TMEM232: variants seen among roughly 807,000 people sequenced by gnomAD.
TMEM232 encodes transmembrane protein 232.
TMEM232 carries 80 observed loss-of-function variants against 78.8 expected under a neutral mutation model. That is an observed-to-expected ratio of 1.01 (90% CI 0.85 to 1.22). TMEM232 has a LOEUF of 1.22. Ranked by LOEUF, TMEM232 falls within the 50% of genes most tolerant of loss-of-function variation. The pLI is 0.00. For synonymous variants in TMEM232, 297 were observed against 254.3 expected (o/e 1.17, Z -1.60); for missense variants, 881 against 742.2 (o/e 1.19, Z -2.17).
intron 12 of TMEM232, among the ~76,000 whole-genome samples, chr5:110,487,617 A>C (rs1252287654): frequency 6.6e-6 from 1 of 151,952 alleles, no homozygotes; most frequent in Non-Finnish European, 1.5e-5. Flanking sequence ...CACATTTACT[A>C]ACTTGCATGT....
intron 13 of TMEM232, among the ~76,000 whole-genome samples, chr5:110,422,413 G>A (rs1414032947): frequency 1.3e-5 from 2 of 150,774 alleles, no homozygotes; most frequent in East Asian, 2.0e-4. Flanking sequence ...CCAGCTACTC[G>A]GGAGGCTGAG....
chr5:110,728,872 C>A (rs529751297), upstream of TMEM232, among the ~76,000 whole-genome samples: 35 of 137,322 alleles, frequency 2.5e-4, no homozygotes, highest in African/African-American at 9.1e-4. Context: ...TTTTACCAGT[C>A]TTTTTTATTT....
intron 11 of TMEM232, among the ~76,000 whole-genome samples, chr5:110,557,224 T>C (rs1775202957): frequency 6.6e-6 from 1 of 152,184 alleles, no homozygotes; most frequent in African/African-American, 2.4e-5. Context: ...CTCTATCAGA[T>C]CAGTTTTGTT....
chr5:110,662,087 A>G (rs1789880198), intron 2 of TMEM232, among the ~76,000 whole-genome samples: 1 of 152,216 alleles, frequency 6.6e-6, no homozygotes. Context: ...CTTTTAAGTC[A>G]ATATTGAGAC....
intron 12 of TMEM232, among the ~76,000 whole-genome samples, chr5:110,473,396 G>C (rs1321157415): frequency 1.3e-5 from 2 of 151,720 alleles, no homozygotes; most frequent in Non-Finnish European, 3.0e-5. Context: ...CCGCCCTCCA[G>C]ATAAAATGCA....
chr5:110,721,753 C>T (rs1319880794), intron 1 of TMEM232, among the ~76,000 whole-genome samples: 1 of 142,592 alleles, frequency 7.0e-6, no homozygotes, highest in Non-Finnish European at 1.5e-5. Context: ...AGAGCAGCTC[C>T]ATTTTTACCT....
chr5:110,606,570 A>G (rs1453581926), intron 8 of TMEM232, among the ~76,000 whole-genome samples: 1 of 151,998 alleles, frequency 6.6e-6, no homozygotes, highest in Non-Finnish European at 1.5e-5. Flanking sequence ...ACAACAAGCA[A>G]TCAGGGGCTC....
chr5:110,520,050 T>TATAGAGAGAGAG (rs374219408), intron 12 of TMEM232, among the ~76,000 whole-genome samples: 76 of 147,258 alleles, frequency 5.2e-4, no homozygotes, highest in African/African-American at 1.8e-3. Flanking sequence ...TATATATATA[T>TATAGAGAGAGAG]AGAGAGAGAG....
chr5:110,648,892 C>T (rs1277573690), intron 2 of TMEM232, among the ~76,000 whole-genome samples: 1 of 152,034 alleles, frequency 6.6e-6, no homozygotes, highest in African/African-American at 2.4e-5. Flanking sequence ...CTTACATGCA[C>T]AGTCATTTGG....
intron 10 of TMEM232, among the ~76,000 whole-genome samples, chr5:110,579,584 T>C (rs1398823864): frequency 1.3e-5 from 2 of 151,806 alleles, no homozygotes; most frequent in East Asian, 3.9e-4. Flanking sequence ...TGTAGAGTTT[T>C]GTATAAGATT....
rs192150333 is a variant in TMEM232 at position 110,459,250 on chromosome 5, A to C, written c.1704-34334T>G. Among the ~76,000 whole-genome samples, 716 of 152,254 alleles carry C rather than the reference A, an allele frequency of 4.7e-3. 6 individuals are homozygous for C. The highest frequency in any genetic ancestry group is 0.017 in the African/African-American group (691 of 41,564). On this transcript the variant is annotated intron_variant, in intron 12 of 13. Transcript: ENST00000455884. ...TTGTCTCCTGATGGTAGGCAAGGTAAAACTATCTTTAGACTATGTGGACAA... is the reference window on the plus strand; with the variant it reads ...TTGTCTCCTGATGGTAGGCAAGGTACAACTATCTTTAGACTATGTGGACAA...
At chr5:110,690,048 G>C (rs1170435106) in intron 1 of TMEM232, among the ~76,000 whole-genome samples, 1 of 152,104 alleles carries the variant, frequency 6.6e-6, no homozygotes, top group East Asian at 1.9e-4. Context: ...AGAAAACCTA[G>C]GCAATACCAT....
At chr5:110,627,680 A>G (rs1265578864) in intron 6 of TMEM232, 101 bp downstream of exon 6, 3 of 859,406 alleles carry the variant, frequency 3.5e-6, no homozygotes, top group Non-Finnish European at 3.4e-6. Flanking sequence ...ATTATCTTTT[A>G]TGAAAAATAA....
At chr5:110,616,309 A>G (rs1211218264) in intron 8 of TMEM232, among the ~76,000 whole-genome samples, 1 of 152,066 alleles carries the variant, frequency 6.6e-6, no homozygotes, top group Non-Finnish European at 1.5e-5. Context: ...AAGAATACAC[A>G]ATAGAGAAAG....
Position 110,735,370 on chromosome 5 carries a change from T to C in TMEM232, c.-125-355A>G, listed in dbSNP as rs1176443660. On this transcript the variant is annotated intron_variant, in intron 1 of 4. Coordinates refer to the TMEM232 transcript ENST00000512886. Reference sequence around the variant, plus strand: ...AATATGTATTAAGCCCGTTGGGGGGTGGTTATACTATTTCTATCATATTAT... The same window carrying C: ...AATATGTATTAAGCCCGTTGGGGGGCGGTTATACTATTTCTATCATATTAT... Among the ~76,000 whole-genome samples the C allele has an allele frequency of 2.0e-5, 3 of 151,932 alleles. No homozygotes were observed. In the East Asian group the frequency reaches 5.8e-4, roughly 29 times the overall value.
At chr5:110,634,906 A>G (rs1196821025) in intron 5 of TMEM232, among the ~76,000 whole-genome samples, 3 of 152,018 alleles carry the variant, frequency 2.0e-5, no homozygotes, top group Non-Finnish European at 4.4e-5. Context: ...ACAAAATGAA[A>G]AAGTTTTTTT....
In TMEM232 at chr5:110,424,994, C is replaced by T. The variant is rs191525897; in HGVS notation, c.1704-78G>A. On this transcript the variant is annotated intron_variant, in intron 12 of 13. Coordinates refer to ENST00000455884, the MANE Select transcript of TMEM232 (RefSeq NM_001039763.4). ...CCCAGAAATAGAATTGTAACTAAGC[C>T]ATAATTTATTATTAAGCATTTTGAT... The T allele has an allele frequency of 2.6e-3, 2,544 of 993,908 alleles. 7 individuals carry two copies. Among genetic ancestry groups the T allele is most frequent in the Middle Eastern group, 0.011 (50 of 4,734 alleles). 61.6% of individuals were successfully genotyped at this position (993,908 alleles called of 1,614,324 possible). A position where few individuals can be genotyped will look rare whatever the true frequency, so the allele number is the denominator to read the frequency against.
chr5:110,583,545 G>A (rs1338242297), intron 10 of TMEM232, among the ~76,000 whole-genome samples: 1 of 151,768 alleles, frequency 6.6e-6, no homozygotes, highest in Non-Finnish European at 1.5e-5. Flanking sequence ...AAGAAAATAT[G>A]GGGAAAATAC....
chr5:110,389,454 C>A (rs1755103014), intron 4 of TMEM232, among the ~76,000 whole-genome samples: 1 of 152,182 alleles, frequency 6.6e-6, no homozygotes, highest in Admixed American at 6.5e-5. Context: ...AAAGAACTCA[C>A]ACATTCATGG....
Sources: gnomAD v4.1 joint callset for allele counts (sites outside exome capture counted in the v4.1 genomes callset) on GRCh38, gnomAD v4.1.1 for gene constraint, MANE v1.5 for transcripts, NCBI Gene and HGNC (gene_info 2026-07-23, HGNC 2026-07-21) for gene names.